The following CILK1 variants were observed in gnomAD, a reference collection of about 807,000 sequenced individuals.
CILK1 encodes serine/threonine-protein kinase ICK.
CILK1 carries 47 observed loss-of-function variants against 79.2 expected under a neutral mutation model. The observed-to-expected ratio is 0.59, with a 90% CI of 0.47 to 0.76. CILK1 has a LOEUF of 0.76. Ranked by LOEUF, CILK1 falls within the 30% of genes least tolerant of loss-of-function variation. The probability of loss-of-function intolerance (pLI) is 0.00; values close to 1 mark genes in which losing one functional copy is unlikely to be tolerated. For synonymous variants in CILK1, 266 were observed against 275.9 expected (o/e 0.96, Z 0.36); for missense variants, 660 against 769.5 (o/e 0.86, Z 1.68).
At chr6:53,013,130 G>A (rs1208033233) in intron 9 of CILK1, among the ~76,000 whole-genome samples, 1 of 152,172 alleles carries the variant, frequency 6.6e-6, no homozygotes, top group Non-Finnish European at 1.5e-5. Flanking sequence ...TGGTAGGTAA[G>A]ACATGCACTA....
chr6:53,041,874 T>G (rs964907729), intron 1 of CILK1, among the ~76,000 whole-genome samples: 1 of 152,194 alleles, frequency 6.6e-6, no homozygotes, highest in Non-Finnish European at 1.5e-5. Flanking sequence ...CCCACGATCG[T>G]AAACTGGATT....
chr6:53,011,444 C>T (rs941909650), intron 11 of CILK1, among the ~76,000 whole-genome samples: 11 of 152,090 alleles, frequency 7.2e-5, no homozygotes, highest in African/African-American at 2.2e-4. Flanking sequence ...CTAAAAAATA[C>T]AAAAATTAGC....
chr6:53,009,366 A>C, intron 12 of CILK1, 73 bp downstream of exon 12: 2 of 1,461,238 alleles, frequency 1.4e-6, no homozygotes, highest in Non-Finnish European at 9.6e-7. Flanking sequence ...CCGTCCCATG[A>C]CTCCTTGTGC....
At chr6:53,024,558 A>G (rs1765449708) in intron 5 of CILK1, among the ~76,000 whole-genome samples, 1 of 152,234 alleles carries the variant, frequency 6.6e-6, no homozygotes, top group African/African-American at 2.4e-5. Context: ...TAAGGATACA[A>G]GCAGTGATTA....
At chr6:53,050,631 G>A (rs985057784) in intron 1 of CILK1, among the ~76,000 whole-genome samples, 6 of 152,126 alleles carry the variant, frequency 3.9e-5, no homozygotes, top group Non-Finnish European at 8.8e-5. Flanking sequence ...TTCAAGACCA[G>A]CCTGGGCAAC....
chr6:53,021,048 C>T (rs773933728), intron 5 of CILK1, among the ~76,000 whole-genome samples: 8 of 152,194 alleles, frequency 5.3e-5, no homozygotes, highest in South Asian at 2.1e-4. Context: ...CAGCTAGGCG[C>T]GGTGGCTCAC....
chr6:53,044,284 G>C (rs953302877), intron 1 of CILK1, among the ~76,000 whole-genome samples: 4 of 152,140 alleles, frequency 2.6e-5, no homozygotes, highest in Non-Finnish European at 4.4e-5. Flanking sequence ...TCTCACAGAA[G>C]CACGAACCCT....
intron 1 of CILK1, among the ~76,000 whole-genome samples, chr6:53,043,760 G>A (rs1766868937): frequency 2.0e-5 from 3 of 151,870 alleles, no homozygotes; most frequent in South Asian, 4.1e-4. Flanking sequence ...ATGGGGGTGT[G>A]GATGGGAGGG....
intron 11 of CILK1, among the ~76,000 whole-genome samples, chr6:53,010,269 G>A (rs1483239734): frequency 2.6e-5 from 4 of 152,186 alleles, no homozygotes; most frequent in African/African-American, 9.7e-5. Flanking sequence ...TCCTGATGAA[G>A]TCTAGCAATA....
intron 7 of CILK1, among the ~76,000 whole-genome samples, chr6:53,018,004 G>A (rs1029084776): frequency 6.6e-6 from 1 of 152,194 alleles, no homozygotes; most frequent in African/African-American, 2.4e-5. Flanking sequence ...TAATAATGGA[G>A]GGAGGCAGCG....
intron 4 of CILK1, 34 bp from the exon 5 acceptor site, chr6:53,031,178 C>G: frequency 7.5e-7 from 1 of 1,331,922 alleles, no homozygotes; most frequent in Non-Finnish European, 1.1e-6. Flanking sequence ...AGTTATAAAT[C>G]AAAGGCCAGA....
intron 2 of CILK1, 115 bp downstream of exon 2, chr6:53,041,021 A>G: frequency 2.6e-6 from 2 of 771,274 alleles, no homozygotes; most frequent in South Asian, 1.4e-5. Context: ...CACAGCAATC[A>G]TTATCTAAGG....
chr6:53,007,931 C>T (rs1318460134), intron 12 of CILK1, among the ~76,000 whole-genome samples: 3 of 151,452 alleles, frequency 2.0e-5, no homozygotes, highest in African/African-American at 7.3e-5. Context: ...CAGAGCAAGA[C>T]TGCGTCTTAA....
chr6:53,056,331 G>GT (rs1230447676), intron 1 of CILK1, among the ~76,000 whole-genome samples: 4 of 152,198 alleles, frequency 2.6e-5, no homozygotes, highest in East Asian at 1.9e-4. Flanking sequence ...GGATAAGCAC[G>GT]TTTTTTCTGT....
chr6:53,029,266 C>G (rs1283784301), intron 5 of CILK1, among the ~76,000 whole-genome samples: 2 of 152,152 alleles, frequency 1.3e-5, no homozygotes, highest in Non-Finnish European at 2.9e-5. Context: ...CTATTTGTCC[C>G]TAAGATACCA....
At chr6:53,037,419 G>A (rs1766426208) in intron 3 of CILK1, among the ~76,000 whole-genome samples, 1 of 152,102 alleles carries the variant, frequency 6.6e-6, no homozygotes, top group South Asian at 2.1e-4. Context: ...GAACGGATGA[G>A]GAATCTTGTA....
intron 12 of CILK1, among the ~76,000 whole-genome samples, chr6:53,008,885 TG>T (rs1207564057): frequency 6.6e-6 from 1 of 152,224 alleles, no homozygotes; most frequent in East Asian, 1.9e-4. Context: ...AGGGGCTGCC[TG>T]CATCAGGGAA....
At chr6:53,006,242 A>G in intron 13 of CILK1, 73 bp downstream of exon 13, 1 of 1,464,026 alleles carries the variant, frequency 6.8e-7, no homozygotes, top group Non-Finnish European at 9.5e-7. Context: ...GGCCTAAAAC[A>G]TGCCTGGCAC....
chr6:53,005,842 T>G (rs540765096), intron 13 of CILK1, among the ~76,000 whole-genome samples: 43 of 152,040 alleles, frequency 2.8e-4, no homozygotes, highest in Admixed American at 3.3e-4. Context: ...ACCCCTGACC[T>G]CATCTTGCTA....
Sources: gnomAD v4.1 joint callset for allele counts (sites outside exome capture counted in the v4.1 genomes callset) on GRCh38, gnomAD v4.1.1 for gene constraint, MANE v1.5 for transcripts, NCBI Gene and HGNC (gene_info 2026-07-23, HGNC 2026-07-21) for gene names.